The following UBXN2A variants were observed in gnomAD, a reference collection of about 807,000 sequenced individuals.
The protein encoded by UBXN2A is UBX domain-containing protein 2A.
In UBXN2A, 28 loss-of-function variants were observed where a neutral mutation model predicts 28.4. The ratio of observed to expected loss-of-function variants is 0.99; its 90% CI spans 0.73 to 1.35. UBXN2A has a LOEUF of 1.35. UBXN2A is among the 40% of genes most tolerant of loss of function. UBXN2A has a pLI of 0.00. For synonymous variants in UBXN2A, 97 were observed against 103.6 expected (o/e 0.94, Z 0.39); for missense variants, 253 against 297.9 (o/e 0.85, Z 1.11).
chr2:23,955,469 G>T (rs2150827995), intron 1 of UBXN2A, among the ~76,000 whole-genome samples: 1 of 152,146 alleles, frequency 6.6e-6, no homozygotes, highest in Admixed American at 6.5e-5. Flanking sequence ...TTTCAATAAG[G>T]AGTTTAAACA....
At chr2:23,941,131 C>CTT (rs200070699) in intron 1 of UBXN2A, among the ~76,000 whole-genome samples, 1 of 148,690 alleles carries the variant, frequency 6.7e-6, no homozygotes, top group South Asian at 2.1e-4. Flanking sequence ...TTCTTTGTGC[C>CTT]TTTTTTTTTT....
At chr2:23,968,445 G>C (rs187927684) in intron 2 of UBXN2A, among the ~76,000 whole-genome samples, 1 of 152,100 alleles carries the variant, frequency 6.6e-6, no homozygotes, top group Admixed American at 6.6e-5. Context: ...GGGAGGCTGA[G>C]GCAGGCGGAT....
chr2:23,985,806 G>A (rs1708102641), intron 6 of UBXN2A, among the ~76,000 whole-genome samples: 2 of 151,926 alleles, frequency 1.3e-5, no homozygotes, highest in Non-Finnish European at 1.5e-5. Context: ...GATCAGCCTG[G>A]GCCATATAGT....
intron 1 of UBXN2A, among the ~76,000 whole-genome samples, chr2:23,932,182 G>A (rs915820503): frequency 2.5e-4 from 38 of 151,822 alleles, no homozygotes; most frequent in Middle Eastern, 6.8e-3. Flanking sequence ...GCCAGGCATG[G>A]TAGTGGGCAC....
At chr2:23,971,831 A>G (rs1707435594) in intron 3 of UBXN2A, among the ~76,000 whole-genome samples, 1 of 151,934 alleles carries the variant, frequency 6.6e-6, no homozygotes, top group African/African-American at 2.4e-5. Flanking sequence ...TTCACAAGCT[A>G]GGCACACCTA....
chr2:23,964,958 A>T (rs1170515103), intron 2 of UBXN2A, among the ~76,000 whole-genome samples: 2 of 152,192 alleles, frequency 1.3e-5, no homozygotes, highest in South Asian at 2.1e-4. Context: ...GGCCTGGGGC[A>T]TATGGTAAAC....
chr2:23,936,263 C>G (rs917517923), upstream of UBXN2A, among the ~76,000 whole-genome samples: 1 of 152,070 alleles, frequency 6.6e-6, no homozygotes. Flanking sequence ...GAATCTTATT[C>G]AACCATAAAC....
intron 1 of UBXN2A, among the ~76,000 whole-genome samples, chr2:23,948,227 A>C (rs183588042): frequency 9.9e-5 from 15 of 151,002 alleles, no homozygotes; most frequent in Non-Finnish European, 1.9e-4. Context: ...TTTTAGATTA[A>C]GTCTGAAGAT....
At chr2:23,999,057 T>C (rs1402801459) in intron 6 of UBXN2A, among the ~76,000 whole-genome samples, 1 of 152,208 alleles carries the variant, frequency 6.6e-6, no homozygotes, top group Admixed American at 6.5e-5. Flanking sequence ...CCTTACAGGT[T>C]TAATAAAGTG....
intron 2 of UBXN2A, 59 bp from the exon 3 acceptor site, chr2:23,971,217 T>G (rs1402331837): frequency 5.2e-5 from 74 of 1,433,208 alleles, no homozygotes; most frequent in Non-Finnish European, 6.8e-5. Context: ...TAGAACAAAA[T>G]AAGTAAATTT....
chr2:23,966,413 G>GCT (rs1336485708), intron 2 of UBXN2A, among the ~76,000 whole-genome samples: 1 of 151,152 alleles, frequency 6.6e-6, no homozygotes, highest in African/African-American at 2.4e-5. Context: ...AGGATTACAG[G>GCT]CGTGAGCCAC....
intron 1 of UBXN2A, among the ~76,000 whole-genome samples, chr2:23,929,307 G>A (rs978716116): frequency 5.3e-5 from 8 of 151,752 alleles, no homozygotes; most frequent in East Asian, 1.9e-4. Flanking sequence ...AGACTGAGGC[G>A]CCATCAGTCA....
chr2:23,978,959 T>C (rs1016740486), intron 4 of UBXN2A, among the ~76,000 whole-genome samples: 1 of 143,984 alleles, frequency 6.9e-6, no homozygotes, highest in Non-Finnish European at 1.5e-5. Flanking sequence ...CCAGATTCCA[T>C]CTCAAAAAAA....
intron 6 of UBXN2A, among the ~76,000 whole-genome samples, chr2:23,987,203 A>G (rs1170032354): frequency 1.3e-5 from 2 of 149,332 alleles, no homozygotes; most frequent in Non-Finnish European, 3.0e-5. Flanking sequence ...GAAATGTGGT[A>G]CAGATAAATA....
chr2:23,944,363 G>T, intron 1 of UBXN2A: 2 of 1,498,646 alleles, frequency 1.3e-6, no homozygotes, highest in South Asian at 2.3e-5. Context: ...GAACTGAGGT[G>T]ACCAGCATCA....
chr2:23,931,294 A>G (rs1705360935), intron 1 of UBXN2A, among the ~76,000 whole-genome samples: 1 of 152,164 alleles, frequency 6.6e-6, no homozygotes, highest in African/African-American at 2.4e-5. Context: ...TGAAAATACA[A>G]AAATGAGCCT....
At position 24,004,410 on chromosome 2, in the gene UBXN2A, C is replaced by T. The variant is rs1275782646; in HGVS notation, c.*4543C>T. Reference sequence around the variant, plus strand: ...GTGACTCATGCCTGCAATCCCAGCACTTTGGGAGGCTGAGGTGGATGGATC... The same window carrying T: ...GTGACTCATGCCTGCAATCCCAGCATTTTGGGAGGCTGAGGTGGATGGATC... On this transcript the variant is annotated 3_prime_UTR_variant, in exon 7 of 7. Transcript: ENST00000309033. 1 of 152,230 alleles carries T rather than the reference C, an allele frequency of 6.6e-6. No individual in the cohort carries two copies. Among genetic ancestry groups the T allele is most frequent in the Non-Finnish European group, 1.5e-5 (1 of 68,056 alleles). The allele number at this position is 152,230 out of a possible 1,614,324, so 9.4% of individuals were successfully genotyped here.
At chr2:23,993,930 C>T (rs919305665) in intron 6 of UBXN2A, among the ~76,000 whole-genome samples, 12 of 152,040 alleles carry the variant, frequency 7.9e-5, no homozygotes, top group Non-Finnish European at 1.0e-4. Flanking sequence ...CCTTGTGGTC[C>T]GCCTCGGCTT....
At chr2:23,979,863 G>A (rs902170652) in intron 4 of UBXN2A, among the ~76,000 whole-genome samples, 7 of 151,494 alleles carry the variant, frequency 4.6e-5, no homozygotes, top group Non-Finnish European at 1.0e-4. Flanking sequence ...GAGCCACCAC[G>A]CCCAGCCAAG....
Sources: gnomAD v4.1 joint callset for allele counts (sites outside exome capture counted in the v4.1 genomes callset) on GRCh38, gnomAD v4.1.1 for gene constraint, MANE v1.5 for transcripts, NCBI Gene and HGNC (gene_info 2026-07-23, HGNC 2026-07-21) for gene names.